PCDHA7: variants seen among roughly 807,000 people sequenced by gnomAD.
The protein encoded by PCDHA7 is protocadherin alpha 7, also known as protocadherin alpha-7.
A neutral mutation model predicts 57.2 loss-of-function variants in PCDHA7; 37 were observed. The observed-to-expected ratio is 0.65, with a 90% CI of 0.50 to 0.85. The LOEUF (loss-of-function observed/expected upper bound fraction) is 0.85. Among genes scored for constraint, PCDHA7 ranks in the 40% least tolerant of loss-of-function variants. The pLI is 0.00. For missense variants in PCDHA7, 1,188 were observed against 1,241.8 expected (o/e 0.96, Z 0.65); for synonymous variants, 553 against 558.8 (o/e 0.99, Z 0.15).
At chr5:140,981,338 G>A (rs1563488090) in intron 2 of PCDHA7, among the ~76,000 whole-genome samples, 1 of 152,100 alleles carries the variant, frequency 6.6e-6, no homozygotes, top group Non-Finnish European at 1.5e-5. Context: ...CTTTGGGAGG[G>A]TGAGGCAGGT....
At chr5:140,843,301 C>A (rs138591837) in intron 1 of PCDHA7, 5 of 1,595,850 alleles carry the variant, frequency 3.1e-6, no homozygotes, top group Middle Eastern at 1.7e-4. Context: ...CTGCGCTGAC[C>A]GCCACGGCCA....
At chr5:140,924,906 TA>T (rs1284498744) in intron 1 of PCDHA7, among the ~76,000 whole-genome samples, 1 of 55,776 alleles carries the variant, frequency 1.8e-5, no homozygotes, top group African/African-American at 8.7e-5. Flanking sequence ...AAAAAAAAAA[TA>T]AAATAAAATA....
At chr5:140,905,021 G>A (rs1443702216) in intron 1 of PCDHA7, among the ~76,000 whole-genome samples, 1 of 152,078 alleles carries the variant, frequency 6.6e-6, no homozygotes, top group African/African-American at 2.4e-5. Flanking sequence ...TCTTTTCTAT[G>A]CAGAAGCTTT....
intron 1 of PCDHA7, chr5:140,848,707 G>A (rs782550579): frequency 2.5e-6 from 4 of 1,592,422 alleles, no homozygotes; most frequent in East Asian, 2.2e-5. Context: ...TCCAAAGGCC[G>A]CGGGGACCTT....
chr5:140,869,137 C>G, intron 1 of PCDHA7: 3 of 1,613,116 alleles, frequency 1.9e-6, no homozygotes, highest in African/African-American at 1.3e-5. Context: ...ATTGGGCACC[C>G]CACGACTACA....
rs541123870 is a variant in PCDHA7 at position 140,857,278 on chromosome 5, C to T, written c.2355+20540C>T. 4.4e-6 allele frequency: 7 copies of T among 1,598,684 alleles called. No individual in the cohort carries two copies. The South Asian group carries it at 7.7e-5, about 18-fold the overall frequency. On this transcript the variant is annotated intron_variant, in intron 1 of 3. Coordinates refer to ENST00000525929, the MANE Select transcript of PCDHA7 (RefSeq NM_018910.3). ...ATTACTACTCATTGGTGCTGGACAG[C>T]GCTCTGGACCGCGAGAGGGTGTCGG...
intron 1 of PCDHA7, chr5:140,928,370 C>T (rs2085193734): frequency 6.2e-7 from 1 of 1,614,062 alleles, no homozygotes; most frequent in South Asian, 1.1e-5. Context: ...GAAGGGCCAT[C>T]AGCCTCTAGC....
At chr5:140,988,625 T>A (rs1406223989) in intron 3 of PCDHA7, among the ~76,000 whole-genome samples, 1 of 152,176 alleles carries the variant, frequency 6.6e-6, no homozygotes, top group Non-Finnish European at 1.5e-5. Context: ...AATGGAGATG[T>A]CCTGGTTTTC....
chr5:140,898,674 C>G (rs1174441906), intron 1 of PCDHA7, among the ~76,000 whole-genome samples: 1 of 152,160 alleles, frequency 6.6e-6, no homozygotes, highest in Non-Finnish European at 1.5e-5. Context: ...GTGTTGCGGG[C>G]TGTTTTTTGG....
At chr5:140,968,881 C>A in intron 1 of PCDHA7, 1 of 1,614,154 alleles carries the variant, frequency 6.2e-7, no homozygotes, top group Non-Finnish European at 8.5e-7. Context: ...CTGAAATTAC[C>A]CTTTATCTAA....
At chr5:140,916,755 G>C (rs781862005) in intron 1 of PCDHA7, among the ~76,000 whole-genome samples, 15 of 152,208 alleles carry the variant, frequency 9.9e-5, no homozygotes, top group Admixed American at 2.0e-4. Flanking sequence ...CTGGGATTAG[G>C]GGAGGGGTGG....
At chr5:140,887,157 C>T (rs1200573671) in intron 1 of PCDHA7, among the ~76,000 whole-genome samples, 4 of 151,110 alleles carry the variant, frequency 2.6e-5, no homozygotes, top group African/African-American at 9.7e-5. Flanking sequence ...AGTACAGTGG[C>T]GTGATCTCGG....
At chr5:140,944,865 T>G (rs1227128611) in intron 1 of PCDHA7, among the ~76,000 whole-genome samples, 3 of 152,166 alleles carry the variant, frequency 2.0e-5, no homozygotes, top group Non-Finnish European at 4.4e-5. Flanking sequence ...TTATTTATCT[T>G]AACCACCTAC....
chr5:140,904,162 A>G (rs1554191325), intron 1 of PCDHA7, among the ~76,000 whole-genome samples: 1 of 152,028 alleles, frequency 6.6e-6, no homozygotes, highest in Non-Finnish European at 1.5e-5. Context: ...CCCAGTTTGT[A>G]GTCTTTTATT....
At chr5:140,993,462 T>TCACA (rs3836747) in intron 3 of PCDHA7, among the ~76,000 whole-genome samples, 8,584 of 140,952 alleles carry the variant, frequency 0.061, 300 homozygotes, top group Admixed American at 0.12. Flanking sequence ...TCTTTCTTTC[T>TCACA]CACACACACA....
chr5:140,875,749 G>A (rs782793601), intron 1 of PCDHA7: 3 of 1,614,264 alleles, frequency 1.9e-6, no homozygotes, highest in African/African-American at 1.3e-5. Flanking sequence ...GATCGACCGC[G>A]AGAAGCTGTG....
In PCDHA7 at chr5:141,008,942, A is replaced by G. The variant is rs544111760; in HGVS notation, c.2504-685A>G. Among the ~76,000 whole-genome samples the G allele has an allele frequency of 1.5e-4, 23 of 152,326 alleles. No homozygotes were observed. In the South Asian group the frequency reaches 4.8e-3, roughly 32 times the overall value. On this transcript the variant is annotated intron_variant, in intron 3 of 3. Transcript: ENST00000525929. ...ATTCAGCTAATTTTTCTTGTTTTGG[A>G]CAAAATAGACATCCTAATACATTTA...
At chr5:140,955,907 C>A (rs1356508512) in intron 1 of PCDHA7, among the ~76,000 whole-genome samples, 3 of 152,126 alleles carry the variant, frequency 2.0e-5, no homozygotes, top group East Asian at 3.8e-4. Flanking sequence ...CTCTTTGTAG[C>A]AATTGTGAAT....
chr5:140,928,068 CA>C, intron 1 of PCDHA7: 1 of 1,614,214 alleles, frequency 6.2e-7, no homozygotes, highest in South Asian at 1.1e-5. Context: ...CTTCCTTTGA[CA>C]ACTACTACAG....
Sources: allele counts gnomAD v4.1 joint callset (sites outside exome capture counted in the v4.1 genomes callset), GRCh38; gene constraint gnomAD v4.1.1; transcripts MANE v1.5; gene names NCBI Gene and HGNC (gene_info 2026-07-23, HGNC 2026-07-21).